SLC2A4RG: variants seen among roughly 807,000 people sequenced by gnomAD.
SLC2A4RG encodes GLUT4 enhancer factor.
In SLC2A4RG, 23 loss-of-function variants were observed where a neutral mutation model predicts 35.5. That is an observed-to-expected ratio of 0.65 (90% CI 0.47 to 0.92). The LOEUF is 0.92. Among genes scored for constraint, SLC2A4RG ranks in the 40% least tolerant of loss-of-function variants. The pLI is 0.00. For missense variants in SLC2A4RG, 539 were observed against 525.0 expected, an observed-to-expected ratio of 1.03 and a Z score of -0.26; for synonymous variants, 306 against 243.7, an observed-to-expected ratio of 1.26 and a Z score of -2.38.
chr20:63,742,287 C>T (rs751229974), intron 5 of SLC2A4RG, 49 bp from the exon 6 acceptor site: 21 of 1,599,962 alleles, frequency 1.3e-5, no homozygotes, highest in East Asian at 2.2e-5. Flanking sequence ...TTGTGAGGCC[C>T]GGCCAGGCCA....
chr20:63,742,270 G>A (rs1309439156), intron 5 of SLC2A4RG, 40 bp downstream of exon 5: 1 of 1,592,986 alleles, frequency 6.3e-7, no homozygotes, highest in Non-Finnish European at 8.6e-7. Flanking sequence ...CTGCGGGTTG[G>A]CTGGGGTTGT....
rs764005025 is a variant in SLC2A4RG at position 63,742,764 on chromosome 20, G to T, written c.1026G>T (p.Leu342Phe). 1.3e-6 allele frequency: 2 copies of T among 1,593,514 alleles called. No individual in the cohort carries two copies. The highest frequency in any genetic ancestry group is 2.3e-5 in the South Asian group (2 of 88,536). ...PTEVGACPPALSSRIGVTLRK... is the reference protein window; with the variant it reads ...PTEVGACPPAFSSRIGVTLRK... ...AGGTCGGAGCCTGCCCACCCGCCTT[G>T]TCCTCCAGGATCGGAGTCACCCTGA... is the stretch of plus-strand genomic sequence containing the variant. The change falls in exon 7 of 8, where the codon TTG (leucine) becomes TTT (phenylalanine). Residue 342 changes from leucine to phenylalanine, a missense_variant. Coordinates refer to ENST00000266077, the MANE Select transcript of SLC2A4RG (RefSeq NM_020062.4).
rs763656073 is a variant in SLC2A4RG at position 63,742,450 on chromosome 20, C to A, written c.795C>A (p.Pro265=). ...TGTCCAGCCTGACTCCAGTGTCCCCCACGGCCTCCATGCCGCCTGCCTTCC... is the reference window on the plus strand; with the variant it reads ...TGTCCAGCCTGACTCCAGTGTCCCCAACGGCCTCCATGCCGCCTGCCTTCC... ...DGLSSLTPVS[P]TASMPPAFPR... The change falls in exon 6 of 8, where the codon CCC becomes CCA. Residue 265 remains proline, a synonymous_variant. Coordinates refer to ENST00000266077, the MANE Select transcript of SLC2A4RG (RefSeq NM_020062.4). 6.2e-7 allele frequency: 1 copy of A among 1,601,162 alleles called. No homozygotes were observed. The highest frequency in any genetic ancestry group is 1.3e-5 in the African/African-American group (1 of 74,686).
In SLC2A4RG at chr20:63,739,937, G is replaced by A; in HGVS notation, c.25G>A (p.Ala9Thr). Residue 9 changes from alanine to threonine, a missense_variant, in exon 1 of 8, where the codon GCC becomes ACC. By Grantham distance (58) the Ala-to-Thr change is moderately conservative. Transcript: ENST00000266077. ...CATGGAGCGCCCCCCGCCCCGCGCC[G>A]CCGGCCGGGACCCCAGTGCGCTGCG... is the stretch of plus-strand genomic sequence containing the variant. Reference protein sequence around the residue: MERPPPRAAGRDPSALRAE... With the variant: MERPPPRATGRDPSALRAE... 5.1e-6 allele frequency: 5 copies of A among 979,590 alleles called. No individual in the cohort carries two copies. The highest frequency in any genetic ancestry group is 6.0e-6 in the Non-Finnish European group (5 of 828,022). 60.7% of individuals were successfully genotyped at this position (979,590 alleles called of 1,614,324 possible). A position where few individuals can be genotyped will look rare whatever the true frequency, so the allele number is the denominator to read the frequency against.
At position 63,743,175 on chromosome 20, in the gene SLC2A4RG, C is replaced by G. The variant is rs987637848; in HGVS notation, c.*185C>G. On this transcript the variant is annotated 3_prime_UTR_variant, in exon 8 of 8. Coordinates refer to ENST00000266077, the MANE Select transcript of SLC2A4RG (RefSeq NM_020062.4). ...CCCCCCCGCCAGGTCGGGGAGGGGT[C>G]CCACCACTCAAAGTGCCTCTAAAGA... 11 of 557,652 alleles carry G rather than the reference C, an allele frequency of 2.0e-5. No homozygotes were observed. The highest frequency in any genetic ancestry group is 5.7e-5 in the African/African-American group (3 of 52,986). 34.5% of individuals were successfully genotyped at this position (557,652 alleles called of 1,614,324 possible).
chr20:63,741,171 C>T (rs2092039641), intron 2 of SLC2A4RG, 199 bp from the exon 3 acceptor site: 1 of 591,044 alleles, frequency 1.7e-6, no homozygotes, highest in Admixed American at 3.0e-5. Context: ...TTCAGGAGAC[C>T]CTGGCCCTGC....
intron 1 of SLC2A4RG, 71 bp downstream of exon 1, chr20:63,740,109 A>C: frequency 1.3e-6 from 1 of 780,958 alleles, no homozygotes; most frequent in Non-Finnish European, 1.5e-6. Flanking sequence ...AGTGCTGCCC[A>C]AACTTCGGGC....
At position 63,742,057 on chromosome 20, in the gene SLC2A4RG, G is replaced by T; in HGVS notation, c.579+1G>T. 1 of 1,611,566 alleles carries T rather than the reference G, an allele frequency of 6.2e-7. No individual in the cohort carries two copies. The highest frequency in any genetic ancestry group is 8.5e-7 in the Non-Finnish European group (1 of 1,178,602). ...GGAGCCCACCCTGAGAAAAAGGAAG[G>T]TGAGCTTGGGGGCGGCCCCCAGGGA... On this transcript the variant is annotated splice_donor_variant, in intron 4 of 7. Transcript: ENST00000266077. LOFTEE classifies it high-confidence loss of function.
intron 3 of SLC2A4RG, 23 bp downstream of exon 3, chr20:63,741,502 T>A: frequency 1.9e-6 from 3 of 1,601,840 alleles, no homozygotes; most frequent in Non-Finnish European, 2.6e-6. Flanking sequence ...TGTCTGCATT[T>A]AGGGGTGTGG....
intron 1 of SLC2A4RG, 32 bp from the exon 2 acceptor site, chr20:63,740,345 C>T: frequency 8.2e-7 from 1 of 1,222,612 alleles, no homozygotes; most frequent in Non-Finnish European, 1.0e-6. Flanking sequence ...CGGCCACCGC[C>T]TCCGCTGAGT....
At chr20:63,742,639 C>A in intron 6 of SLC2A4RG, 24 bp downstream of exon 6, 1 of 1,577,304 alleles carries the variant, frequency 6.3e-7, no homozygotes, top group East Asian at 2.3e-5. Flanking sequence ...CGGGTGGCAG[C>A]TGGGGCGGGT....
In SLC2A4RG at chr20:63,743,129, G is replaced by T; in HGVS notation, c.*139G>T. On this transcript the variant is annotated 3_prime_UTR_variant, in exon 8 of 8. Transcript: ENST00000266077. ...GTCTGCTTTTACTTGGGGTGGGGGG[G>T]CGGGGCTGACCCTGAACCCTCCCCC... 7.5e-6 allele frequency: 2 copies of T among 267,268 alleles called. No individual in the cohort carries two copies. The highest frequency in any genetic ancestry group is 7.4e-6 in the Non-Finnish European group (1 of 134,572). 16.6% of individuals were successfully genotyped at this position (267,268 alleles called of 1,614,324 possible).
rs945624183 is a variant in SLC2A4RG, at chr20:63,742,559, C to T, written c.904C>T (p.Pro302Ser). ...RPPAPPLPPP[P>S]VLSTVANPQS... Reference sequence around the variant, plus strand: ...GCCTGCCCCGCCCCTGCCCCCGCCCCCTGTCCTGAGCACCGTTGCTAACCC... The same window carrying T: ...GCCTGCCCCGCCCCTGCCCCCGCCCTCTGTCCTGAGCACCGTTGCTAACCC... Residue 302 changes from proline to serine, a missense_variant, in exon 6 of 8, where the codon CCT (proline) becomes TCT (serine). Transcript: ENST00000266077. 2.5e-6 allele frequency: 4 copies of T among 1,578,802 alleles called. No homozygotes were observed. Among genetic ancestry groups the T allele is most frequent in the East Asian group, 2.3e-5 (1 of 43,832 alleles).
intron 1 of SLC2A4RG, 84 bp downstream of exon 1, chr20:63,740,122 C>A: frequency 1.4e-6 from 1 of 717,396 alleles, no homozygotes. Context: ...CTTCGGGCCC[C>A]CGGGGGCGGG....
chr20:63,740,129 C>A, intron 1 of SLC2A4RG, 91 bp downstream of exon 1: 1 of 640,266 alleles, frequency 1.6e-6, no homozygotes, highest in Non-Finnish European at 1.9e-6. Flanking sequence ...CCCCCGGGGG[C>A]GGGGCAGCGG....
intron 2 of SLC2A4RG, among the ~76,000 whole-genome samples, chr20:63,740,813 G>C (rs1183995879): frequency 1.3e-5 from 2 of 152,198 alleles, no homozygotes; most frequent in Non-Finnish European, 2.9e-5. Context: ...TGGGGCGACT[G>C]TCCAGGAATC....
At position 63,739,898 on chromosome 20, in the gene SLC2A4RG, CCCGG is replaced by C. The variant is rs1361561889; in HGVS notation, c.-4_-1del. On this transcript the variant is annotated 5_prime_UTR_variant, in exon 1 of 8. Transcript: ENST00000266077. ...AGCCCTCGCCGCTGCAGCCTCGGCG[CCCGG>C]CCGGCCGGCCATGGAGCGCCCCCCG... 5.1e-6 allele frequency: 5 copies of C among 978,828 alleles called. No homozygotes were observed. Among genetic ancestry groups the C allele is most frequent in the Non-Finnish European group, 6.0e-6 (5 of 827,724 alleles). The allele number at this position is 978,828 out of a possible 1,614,324, so 60.6% of individuals were successfully genotyped here.
At position 63,742,798 on chromosome 20, in the gene SLC2A4RG, T is replaced by C; in HGVS notation, c.1052+8T>C. 6.3e-7 allele frequency: 1 copy of C among 1,578,360 alleles called. No individual in the cohort carries two copies. Among genetic ancestry groups the C allele is most frequent in the Non-Finnish European group, 8.6e-7 (1 of 1,161,602 alleles). ...GATCGGAGTCACCCTGAGGTGCGTG[T>C]GGGCTGAGGGCCTGCGGCTGGCACC... On this transcript the variant is annotated splice_region_variant and intron_variant, in intron 7 of 7. Coordinates refer to ENST00000266077, the MANE Select transcript of SLC2A4RG (RefSeq NM_020062.4).
Position 63,743,072 on chromosome 20 carries a change from A to T in SLC2A4RG, c.*82A>T. On this transcript the variant is annotated 3_prime_UTR_variant, in exon 8 of 8. Transcript: ENST00000266077. Reference sequence around the variant, plus strand: ...CCCGGGGCTGAAACAGCCCGAGGACAGCCCCAGGGGCTGGCTTTCACCAGC... The same window carrying T: ...CCCGGGGCTGAAACAGCCCGAGGACTGCCCCAGGGGCTGGCTTTCACCAGC... 1.1e-6 allele frequency: 1 copy of T among 874,212 alleles called. No individual in the cohort carries two copies. The highest frequency in any genetic ancestry group is 1.5e-6 in the Non-Finnish European group (1 of 653,364). 54.2% of individuals were successfully genotyped at this position (874,212 alleles called of 1,614,324 possible).
Sources: allele counts gnomAD v4.1 joint callset (sites outside exome capture counted in the v4.1 genomes callset), GRCh38; gene constraint gnomAD v4.1.1; transcripts MANE v1.5; gene names NCBI Gene and HGNC (gene_info 2026-07-23, HGNC 2026-07-21).